Variants in MRPL11 observed in about 807,000 individuals in gnomAD.
MRPL11 encodes the protein mitochondrial ribosomal protein L11.
MRPL11 carries 21 observed loss-of-function variants against 19.1 expected under a neutral mutation model. The observed-to-expected ratio is 1.10, with a 90% CI of 0.78 to 1.58. The LOEUF is 1.58. MRPL11 is among the 40% of genes most tolerant of loss of function. MRPL11 has a pLI of 0.00. For missense variants in MRPL11, 242 were observed against 243.9 expected (o/e 0.99, Z 0.05); for synonymous variants, 108 against 99.7 (o/e 1.08, Z -0.49).
intron 2 of MRPL11, 33 bp from the exon 3 acceptor site, chr11:66,437,476 T>C (rs1857006722): frequency 1.9e-6 from 3 of 1,597,980 alleles, no homozygotes; most frequent in Non-Finnish European, 2.6e-6. Flanking sequence ...AGATTCTCTC[T>C]TCCTACTGCC....
At position 66,438,169 on chromosome 11, in the gene MRPL11, C is replaced by A; in HGVS notation, c.214G>T (p.Val72Leu). 1 of 1,611,920 alleles carries A rather than the reference C, an allele frequency of 6.2e-7. No individual in the cohort carries two copies. The highest frequency in any genetic ancestry group is 8.5e-7 in the Non-Finnish European group (1 of 1,178,026). ...GATCAGAGTCCAGACTCCACCTTCA[C>A]TAAAATCTTGGTAGGCAGAGGAATG... Reference protein sequence around the residue: ...EGIPLPTKILVKPDRTFEIKI... With the variant: ...EGIPLPTKILLKPDRTFEIKI... The change falls in exon 2 of 5, where the codon GTG becomes TTG. Residue 72 changes from valine (V) to leucine (L), a missense_variant. Coordinates refer to ENST00000310999, the MANE Select transcript of MRPL11 (RefSeq NM_016050.5).
Position 66,437,347 on chromosome 11 carries a change from CA to C in MRPL11, c.313+2del. 1 of 1,614,176 alleles carries C rather than the reference CA, an allele frequency of 6.2e-7. No individual in the cohort carries two copies. Among genetic ancestry groups the C allele is most frequent in the Non-Finnish European group, 8.5e-7 (1 of 1,180,020 alleles). ...AATCTCAGATGCTTACCCTGGCCCT[CA>C]CCTGTTTGCCGGGCCCCCTTTTCAA... On this transcript the variant is annotated splice_donor_variant, in intron 3 of 4. Transcript: ENST00000310999. LOFTEE classifies it high-confidence loss of function.
intron 4 of MRPL11, chr11:66,436,869 T>C: frequency 3.1e-6 from 5 of 1,614,208 alleles, no homozygotes; most frequent in South Asian, 1.1e-5. Context: ...GGATCCTTCA[T>C]GGAGATCTTT....
Position 66,438,154 on chromosome 11 carries a change from C to T in MRPL11, c.219+10G>A, listed in dbSNP as rs780974181. The stretch of plus-strand genomic sequence containing the variant: ...GAGAAGGAAACCAGGGATCAGAGTC[C>T]AGACTCCACCTTCACTAAAATCTTG... On this transcript the variant is annotated intron_variant, in intron 2 of 4. Transcript: ENST00000310999. 4 of 1,599,414 alleles carry T rather than the reference C, an allele frequency of 2.5e-6. No individual in the cohort carries two copies. The highest frequency in any genetic ancestry group is 1.7e-4 in the Middle Eastern group (1 of 6,038).
chr11:66,438,736 C>G lies in MRPL11; in HGVS notation c.19G>C (p.Ala7Pro). MSKLGR[A>P]ARGLRKPEVG... ...TCGGGCTTCCTGAGGCCCCGGGCGG[C>G]CCGGCCGAGCTTTGACATGATGCGG... Residue 7 changes from alanine to proline, a missense_variant, in exon 1 of 5, where the codon GCC becomes CCC. By Grantham distance (27) the Ala-to-Pro change is conservative. Coordinates refer to ENST00000310999, the MANE Select transcript of MRPL11 (RefSeq NM_016050.5). 1 of 1,571,290 alleles carries G rather than the reference C, an allele frequency of 6.4e-7. No individual in the cohort carries two copies. The highest frequency in any genetic ancestry group is 8.6e-7 in the Non-Finnish European group (1 of 1,158,066).
At chr11:66,438,002 G>T (rs928317764) in intron 2 of MRPL11, among the ~76,000 whole-genome samples, 162 bp downstream of exon 2, 22 of 152,200 alleles carry the variant, frequency 1.4e-4, no homozygotes, top group Non-Finnish European at 2.9e-4. Flanking sequence ...ATGGCAAGAT[G>T]GGGCTGGTTC....
At position 66,436,005 on chromosome 11, in the gene MRPL11, G is replaced by T. The variant is rs763139107; in HGVS notation, c.*2C>A. ...GAAATCTGGGAGTTGGTGGGGCAAG[G>T]GTCACTTCTTGGCAGCTTCTTCTTG... On this transcript the variant is annotated 3_prime_UTR_variant, in exon 5 of 5. Coordinates refer to ENST00000310999, the MANE Select transcript of MRPL11 (RefSeq NM_016050.5). 1.3e-5 allele frequency: 21 copies of T among 1,611,934 alleles called. No individual in the cohort carries two copies. In the East Asian group the frequency reaches 4.5e-4, roughly 34 times the overall value.
At chr11:66,436,767 C>A in intron 4 of MRPL11, 1 of 1,425,370 alleles carries the variant, frequency 7.0e-7, no homozygotes, top group Non-Finnish European at 9.9e-7. Flanking sequence ...CCTGACACAG[C>A]TCAAAAGTCC....
chr11:66,435,954 G>T lies in MRPL11; in HGVS notation c.*53C>A. On this transcript the variant is annotated 3_prime_UTR_variant, in exon 5 of 5. Coordinates refer to ENST00000310999, the MANE Select transcript of MRPL11 (RefSeq NM_016050.5). The stretch of plus-strand genomic sequence containing the variant: ...GGTGTGACCTCCTTCCTCCCCTTGG[G>T]CACAGCTTTTGCAACTACCTCCTTT... 1 of 1,382,166 alleles carries T rather than the reference G, an allele frequency of 7.2e-7. No individual in the cohort carries two copies. The highest frequency in any genetic ancestry group is 1.0e-6 in the Non-Finnish European group (1 of 974,258). 85.6% of individuals were successfully genotyped at this position (1,382,166 alleles called of 1,614,324 possible).
At chr11:66,437,512 TG>T (rs1162983971) in intron 2 of MRPL11, 69 bp from the exon 3 acceptor site, 3 of 1,389,898 alleles carry the variant, frequency 2.2e-6, no homozygotes, top group Non-Finnish European at 3.0e-6. Flanking sequence ...TCTAATGTCT[TG>T]CCCCCTGCTT....
chr11:66,437,564 C>G, intron 2 of MRPL11, 121 bp from the exon 3 acceptor site: 2 of 872,442 alleles, frequency 2.3e-6, no homozygotes, highest in Non-Finnish European at 3.6e-6. Flanking sequence ...AAAAAGACCA[C>G]AGAATCACAA....
intron 1 of MRPL11, 21 bp downstream of exon 1, chr11:66,438,611 G>C: frequency 1.3e-6 from 2 of 1,488,508 alleles, no homozygotes; most frequent in Non-Finnish European, 1.8e-6. Context: ...CCCCCACGTC[G>C]GGTTCCCGCC....
In MRPL11 at chr11:66,438,763, G is replaced by T. The variant is rs759190461; in HGVS notation, c.-9C>A. 9.1e-6 allele frequency: 14 copies of T among 1,542,788 alleles called. No homozygotes were observed. The East Asian group carries it at 3.3e-4, about 36-fold the overall frequency. On this transcript the variant is annotated 5_prime_UTR_variant, in exon 1 of 5. Coordinates refer to ENST00000310999, the MANE Select transcript of MRPL11 (RefSeq NM_016050.5). Reference sequence around the variant, plus strand: ...CGGCCGAGCTTTGACATGATGCGGGGCTGCTGGCTTCAGTTCACCTCAGGG... The same window carrying T: ...CGGCCGAGCTTTGACATGATGCGGGTCTGCTGGCTTCAGTTCACCTCAGGG...
Position 66,438,768 on chromosome 11 carries a change from T to C in MRPL11, c.-14A>G, listed in dbSNP as rs752232426. The C allele has an allele frequency of 5.7e-5, 88 of 1,537,382 alleles. No homozygotes were observed. Among genetic ancestry groups the C allele is most frequent in the Non-Finnish European group, 7.6e-5 (87 of 1,142,836 alleles). On this transcript the variant is annotated 5_prime_UTR_variant, in exon 1 of 5. Coordinates refer to ENST00000310999, the MANE Select transcript of MRPL11 (RefSeq NM_016050.5). ...GAGCTTTGACATGATGCGGGGCTGC[T>C]GGCTTCAGTTCACCTCAGGGGAGCA...
chr11:66,436,896 T>C, intron 4 of MRPL11: 1 of 1,614,108 alleles, frequency 6.2e-7, no homozygotes, highest in South Asian at 1.1e-5. Flanking sequence ...CTTAGAACAT[T>C]TGCAGAACAA....
At position 66,437,438 on chromosome 11, in the gene MRPL11, G is replaced by T. The variant is rs1250001936; in HGVS notation, c.225C>A (p.Asp75Glu). 1 of 1,613,930 alleles carries T rather than the reference G, an allele frequency of 6.2e-7. No individual in the cohort carries two copies. The highest frequency in any genetic ancestry group is 1.3e-5 in the African/African-American group (1 of 74,898). The change falls in exon 3 of 5, where the codon GAC (aspartate) becomes GAA (glutamate). Residue 75 changes from aspartate (D) to glutamate (E), a missense_variant. Physicochemically the swap from Asp to Glu is conservative, Grantham distance 45. Transcript: ENST00000310999. The stretch of plus-strand genomic sequence containing the variant: ...GTCCAATCTTAATTTCAAATGTCCT[G>T]TCAGGCTTAACAGAAAAAAGAAATA... The part of the protein sequence containing the change: ...PLPTKILVKP[D>E]RTFEIKIGQP...
Position 66,437,110 on chromosome 11 carries a change from A to T in MRPL11, c.467T>A (p.Val156Glu). 1 of 1,614,040 alleles carries T rather than the reference A, an allele frequency of 6.2e-7. No individual in the cohort carries two copies. The change falls in exon 4 of 5, where the codon GTG (valine) becomes GAG (glutamate). Residue 156 changes from valine to glutamate, a missense_variant. Transcript: ENST00000310999. The part of the protein sequence containing the change: ...GSARSLGIRV[V>E]KDLSSEELAA... The stretch of plus-strand genomic sequence containing the variant: ...CACATGCCAGGATACTTACTCCTTC[A>T]CCACGCGAATGCCCAGAGAACGGGC...
Position 66,437,223 on chromosome 11 carries a change from A to G in MRPL11, c.354T>C (p.Tyr118=). The G allele has an allele frequency of 1.2e-6, 2 of 1,610,168 alleles. No homozygotes were observed. Among genetic ancestry groups the G allele is most frequent in the South Asian group, 2.2e-5 (2 of 91,008 alleles). The part of the protein sequence containing the change: ...VAGLVTLKHV[Y]EIARIKAQDE... The stretch of plus-strand genomic sequence containing the variant: ...CCTGAGCTTTGATGCGGGCAATCTC[A>G]TACACATGCTTCAAGGTCACCAGGC... The change falls in exon 4 of 5, where the codon TAT becomes TAC. Residue 118 remains tyrosine, a synonymous_variant. Transcript: ENST00000310999.
chr11:66,438,482 T>C (rs545722048), intron 1 of MRPL11, 150 bp downstream of exon 1: 22 of 1,167,694 alleles, frequency 1.9e-5, no homozygotes, highest in Non-Finnish European at 2.2e-5. Flanking sequence ...GAAGACACTT[T>C]GTAACCAGCA....
Sources: allele counts gnomAD v4.1 joint callset (sites outside exome capture counted in the v4.1 genomes callset), GRCh38; gene constraint gnomAD v4.1.1; transcripts MANE v1.5; gene names NCBI Gene and HGNC (gene_info 2026-07-23, HGNC 2026-07-21).